UIMC1: variants seen among roughly 807,000 people sequenced by gnomAD.
UIMC1 encodes the protein ubiquitin interaction motif containing 1.
In UIMC1, 42 loss-of-function variants were observed where a neutral mutation model predicts 84.9. The ratio of observed to expected loss-of-function variants is 0.49; its 90% CI spans 0.39 to 0.64. The LOEUF (loss-of-function observed/expected upper bound fraction) is 0.64. Among genes scored for constraint, UIMC1 ranks in the 30% least tolerant of loss-of-function variants. The pLI, the probability that UIMC1 is intolerant of heterozygous loss-of-function variation, is 0.00. For missense variants in UIMC1, 825 were observed against 847.6 expected (o/e 0.97, Z 0.33); for synonymous variants, 281 against 293.0 (o/e 0.96, Z 0.42).
intron 12 of UIMC1, among the ~76,000 whole-genome samples, chr5:176,908,048 T>A (rs1225774083): frequency 6.6e-6 from 1 of 152,192 alleles, no homozygotes; most frequent in Non-Finnish European, 1.5e-5. Context: ...TTACACTACA[T>A]CTTAAGTTTT....
intron 9 of UIMC1, among the ~76,000 whole-genome samples, chr5:176,949,649 C>T (rs1765591528): frequency 6.6e-6 from 1 of 152,168 alleles, no homozygotes; most frequent in Non-Finnish European, 1.5e-5. Context: ...TCAATTGTGA[C>T]AGATCAGGTT....
chr5:177,015,940 C>T (rs929201668), intron 1 of UIMC1, among the ~76,000 whole-genome samples: 7 of 152,006 alleles, frequency 4.6e-5, no homozygotes, highest in Non-Finnish European at 8.8e-5. Context: ...CGTGGTGGCG[C>T]ACATCTGTAA....
intron 11 of UIMC1, among the ~76,000 whole-genome samples, chr5:176,909,980 T>C (rs987774302): frequency 6.6e-6 from 1 of 152,202 alleles, no homozygotes; most frequent in South Asian, 2.1e-4. Flanking sequence ...ACAAGGCACC[T>C]AGCACAATGA....
At chr5:176,984,065 TGCCCGGCCGCCCC>T (rs1204893212) in intron 1 of UIMC1, among the ~76,000 whole-genome samples, 65 of 132,834 alleles carry the variant, frequency 4.9e-4, no homozygotes, top group African/African-American at 1.8e-3. Context: ...GGAGTGCCTC[TGCCCGGCCGCCCC>T]GTCTGGGAAG....
chr5:176,938,143 T>C (rs1763928852), intron 10 of UIMC1, among the ~76,000 whole-genome samples: 1 of 140,498 alleles, frequency 7.1e-6, no homozygotes, highest in Admixed American at 8.0e-5. Context: ...TGAGCCATGA[T>C]TCCACCACTG....
At chr5:176,954,503 A>G (rs1442996123) in intron 8 of UIMC1, among the ~76,000 whole-genome samples, 2 of 152,094 alleles carry the variant, frequency 1.3e-5, no homozygotes, top group Non-Finnish European at 1.5e-5. Flanking sequence ...AGGAAGCCAA[A>G]GCGGGAGGAT....
At chr5:176,951,710 G>T (rs1765906135) in intron 8 of UIMC1, 133 bp from the exon 9 acceptor site, 1 of 574,236 alleles carries the variant, frequency 1.7e-6, no homozygotes, top group Non-Finnish European at 3.0e-6. Flanking sequence ...AATAGATCTA[G>T]TTTGTTTCTT....
intron 11 of UIMC1, 60 bp downstream of exon 11, chr5:176,911,251 A>C: frequency 7.1e-7 from 1 of 1,404,318 alleles, no homozygotes; most frequent in South Asian, 1.6e-5. Flanking sequence ...TGGTCTTTTT[A>C]TTCAGTCCAA....
At chr5:176,947,025 C>T (rs1765211033) in intron 9 of UIMC1, among the ~76,000 whole-genome samples, 1 of 152,040 alleles carries the variant, frequency 6.6e-6, no homozygotes, top group South Asian at 2.1e-4. Context: ...CACTGGTGCC[C>T]ACATTGAGCA....
intron 10 of UIMC1, among the ~76,000 whole-genome samples, chr5:176,937,405 G>A (rs1581447054): frequency 6.6e-6 from 1 of 152,174 alleles, no homozygotes; most frequent in Admixed American, 6.5e-5. Flanking sequence ...TGAGACAGGA[G>A]AATGGCATGA....
chr5:176,959,759 C>T (rs1236732612), intron 6 of UIMC1, among the ~76,000 whole-genome samples: 7 of 150,910 alleles, frequency 4.6e-5, no homozygotes, highest in Admixed American at 2.6e-4. Flanking sequence ...TGGCCAGGCG[C>T]GGTGGCTCAC....
chr5:176,981,470 A>G (rs1211830644), intron 2 of UIMC1, among the ~76,000 whole-genome samples: 1 of 152,090 alleles, frequency 6.6e-6, no homozygotes, highest in Non-Finnish European at 1.5e-5. Flanking sequence ...AAATCAATAA[A>G]GATGTAAAGA....
Position 176,947,769 on chromosome 5 carries a change from T to C in UIMC1, c.1443+3705A>G, listed in dbSNP as rs373059469. Among the ~76,000 whole-genome samples the C allele has an allele frequency of 1.7e-4, 26 of 151,802 alleles. 1 individual carries two copies. In the East Asian group the frequency reaches 4.8e-3, roughly 28 times the overall value. On this transcript the variant is annotated intron_variant, in intron 9 of 14. Transcript: ENST00000511320. The stretch of plus-strand genomic sequence containing the variant: ...GGAGGTGGAGCTTGCAGAGCCGAGA[T>C]TGCGCCACTGCACTCCAGCCTAGGC...
At chr5:177,021,138 T>C (rs58279426) in intron 1 of UIMC1, among the ~76,000 whole-genome samples, 86,317 of 151,838 alleles carry the variant, frequency 0.57, 25,948 homozygotes, top group African/African-American at 0.78. Context: ...ATTAGCTGGG[T>C]GCCGTGGCAT....
At chr5:176,972,464 G>A (rs541641838) in intron 3 of UIMC1, among the ~76,000 whole-genome samples, 21 of 151,898 alleles carry the variant, frequency 1.4e-4, no homozygotes, top group South Asian at 1.3e-3. Context: ...GGCCAGGAGC[G>A]GTGACTCATG....
intron 10 of UIMC1, among the ~76,000 whole-genome samples, chr5:176,930,840 A>C (rs1290680933): frequency 6.6e-6 from 1 of 152,254 alleles, no homozygotes; most frequent in Non-Finnish European, 1.5e-5. Flanking sequence ...GTTCACCAGC[A>C]AAGAGTCTAA....
Position 176,907,153 on chromosome 5 carries a change from G to A in UIMC1, c.1873C>T (p.Leu625Phe), listed in dbSNP as rs572641097. The change falls in exon 13 of 15, where the codon CTC becomes TTC. Residue 625 changes from leucine (L) to phenylalanine (F), a missense_variant. Physicochemically the swap from Leu to Phe is conservative, Grantham distance 22. Coordinates refer to ENST00000511320, the MANE Select transcript of UIMC1 (RefSeq NM_001199298.2). ...TCAGACTGTTCCAAGAAACTAAGGA[G>A]TCGGCCTTCACTGTGGCCTTTTTCC... ...PKEKGHSEGR[L>F]LSFLEQSEHK... The A allele has an allele frequency of 1.9e-6, 3 of 1,613,874 alleles. No individual in the cohort carries two copies. The African/African-American group carries it at 4.0e-5, about 22-fold the overall frequency.
chr5:176,999,013 G>A (rs764884323), intron 1 of UIMC1, among the ~76,000 whole-genome samples: 2 of 151,694 alleles, frequency 1.3e-5, no homozygotes, highest in Admixed American at 6.6e-5. Context: ...AACACAGCAA[G>A]ACCCCGTCCC....
rs779796802 is a variant in UIMC1, at chr5:176,969,699, C to T, written c.365G>A (p.Arg122Gln). The T allele has an allele frequency of 2.0e-5, 33 of 1,613,840 alleles. No individual in the cohort carries two copies. Among genetic ancestry groups the T allele is most frequent in the Admixed American group, 6.7e-5 (4 of 59,984 alleles). ...KAIAESLNSC[R>Q]PSDASATRSR... ...TCTGGTAGCGGAAGCATCAGAAGGC[C>T]GGCAACTCTGAAACAAGTGATCCCA... Residue 122 changes from arginine (R) to glutamine (Q), a missense_variant, in exon 5 of 15, where the codon CGG (arginine) becomes CAG (glutamine). By Grantham distance (43) the Arg-to-Gln change is conservative. Transcript: ENST00000511320.
Sources: gnomAD v4.1 joint callset for allele counts (sites outside exome capture counted in the v4.1 genomes callset) on GRCh38, gnomAD v4.1.1 for gene constraint, MANE v1.5 for transcripts, NCBI Gene and HGNC (gene_info 2026-07-23, HGNC 2026-07-21) for gene names.